TSC22D2: variants seen among roughly 807,000 people sequenced by gnomAD.
TSC22D2 encodes TSC22 domain family member 2.
A neutral mutation model predicts 50.1 loss-of-function variants in TSC22D2; 5 were observed. The observed-to-expected ratio is 0.10, with a 90% CI of 0.05 to 0.21. The LOEUF is 0.21. Ranked by LOEUF, TSC22D2 falls within the 10% of genes least tolerant of loss-of-function variation. TSC22D2 has a pLI of 1.00. For missense variants in TSC22D2, 1,003 were observed against 1,015.5 expected (o/e 0.99, Z 0.17); for synonymous variants, 501 against 450.1 (o/e 1.11, Z -1.43).
chr3:150,409,221 A>T lies in TSC22D2; in HGVS notation c.-130A>T. On this transcript the variant is annotated 5_prime_UTR_variant, in exon 1 of 3. Transcript: ENST00000688009. The surrounding 1 kb of genome is among the most constrained non-coding windows in gnomAD (Gnocchi z 7.4). Reference sequence around the variant, plus strand: ...GCGCCTGGATCAGCCCGTGACTCTTAACAGCGGCGGGCCTCAGACCCCAGC... The same window carrying T: ...GCGCCTGGATCAGCCCGTGACTCTTTACAGCGGCGGGCCTCAGACCCCAGC... The T allele has an allele frequency of 9.3e-7, 1 of 1,073,206 alleles. No homozygotes were observed. Among genetic ancestry groups the T allele is most frequent in the Non-Finnish European group, 1.3e-6 (1 of 771,486 alleles). The allele number at this position is 1,073,206 out of a possible 1,614,324, so 66.5% of individuals were successfully genotyped here. A position where few individuals can be genotyped will look rare whatever the true frequency, so the allele number is the denominator to read the frequency against.
At chr3:150,455,400 A>G (rs1721155398) in intron 1 of TSC22D2, among the ~76,000 whole-genome samples, 1 of 152,252 alleles carries the variant, frequency 6.6e-6, no homozygotes, top group East Asian at 1.9e-4. Context: ...AATCCTTTCT[A>G]GATATTAGAT....
intron 1 of TSC22D2, among the ~76,000 whole-genome samples, chr3:150,445,316 AAATAATAATAATAAT>A (rs139705131): frequency 0.012 from 1,724 of 142,526 alleles, 26 homozygotes; most frequent in African/African-American, 0.026. Context: ...TCTGTCTCAA[AAATAATAATAATAAT>A]AATAATAATA....
Position 150,408,883 on chromosome 3 carries a change from C to A in TSC22D2, c.-468C>A. ...GGCCTGAGGAGCCCGAGCGGGGCAG[C>A]ACCGCCCCTCACGCCGCCGCCACCG... is the stretch of plus-strand genomic sequence containing the variant. On this transcript the variant is annotated 5_prime_UTR_variant, in exon 1 of 3. Transcript: ENST00000688009. The A allele has an allele frequency of 6.1e-6, 1 of 164,446 alleles. No individual in the cohort carries two copies. Among genetic ancestry groups the A allele is most frequent in the Non-Finnish European group, 1.3e-5 (1 of 75,386 alleles). The allele number at this position is 164,446 out of a possible 1,614,324, so 10.2% of individuals were successfully genotyped here.
intron 1 of TSC22D2, among the ~76,000 whole-genome samples, chr3:150,426,160 C>A (rs551026215): frequency 1.3e-5 from 2 of 152,322 alleles, no homozygotes; most frequent in South Asian, 2.1e-4. Context: ...AATAATCCAA[C>A]CCTTTCTGCA....
chr3:150,444,073 A>G (rs1720803212), intron 1 of TSC22D2, among the ~76,000 whole-genome samples: 1 of 152,068 alleles, frequency 6.6e-6, no homozygotes, highest in Non-Finnish European at 1.5e-5. Flanking sequence ...AGTTGCCTAT[A>G]TTACATAGAA....
At chr3:150,412,718 G>A (rs1719637901) in intron 1 of TSC22D2, among the ~76,000 whole-genome samples, 1 of 152,046 alleles carries the variant, frequency 6.6e-6, no homozygotes, top group African/African-American at 2.4e-5. Flanking sequence ...TTGTGTGTGT[G>A]GGACTACTAA....
Position 150,409,610 on chromosome 3 carries a change from ACCT to A in TSC22D2, c.267_269del (p.Leu90del), listed in dbSNP as rs894726569. On this transcript the variant is annotated inframe_deletion, in exon 1 of 3. Coordinates refer to ENST00000688009, the MANE Select transcript of TSC22D2 (RefSeq NM_001303264.2). The surrounding 1 kb of genome is among the most constrained non-coding windows in gnomAD (Gnocchi z 7.4). ...GAGACTCCCGGGACCGTCTCCCCAAACCTCCTCCTAGATGGGCAGCTGGCAGCG... is the reference window on the plus strand; with the variant it reads ...GAGACTCCCGGGACCGTCTCCCCAAACCTCCTAGATGGGCAGCTGGCAGCG... 5 of 1,606,832 alleles carry A rather than the reference ACCT, an allele frequency of 3.1e-6. No individual in the cohort carries two copies. In the Admixed American group the frequency reaches 5.0e-5, roughly 16 times the overall value.
chr3:150,418,268 T>A (rs113495031), intron 1 of TSC22D2, among the ~76,000 whole-genome samples: 2 of 151,992 alleles, frequency 1.3e-5, no homozygotes, highest in East Asian at 3.9e-4. Context: ...ATTTTCATCA[T>A]CATGAAAATG....
chr3:150,409,481 TCTC>T lies in TSC22D2; in HGVS notation c.136_138del (p.Ser46del). On this transcript the variant is annotated inframe_deletion, in exon 1 of 3. Transcript: ENST00000688009. The surrounding 1 kb of genome is among the most constrained non-coding windows in gnomAD (Gnocchi z 7.4). The stretch of plus-strand genomic sequence containing the variant: ...CCGGACGAGTCACGCACAGAGGACG[TCTC>T]CTCCGAGATTTTCGACGTCTCTCGG... The T allele has an allele frequency of 2.5e-6, 4 of 1,612,190 alleles. No individual in the cohort carries two copies. The highest frequency in any genetic ancestry group is 3.4e-6 in the Non-Finnish European group (4 of 1,179,574).
In TSC22D2 at chr3:150,413,220, A is replaced by G. The variant is rs557244950; in HGVS notation, c.1958+1912A>G. Among the ~76,000 whole-genome samples, 11 of 152,338 alleles carry G rather than the reference A, an allele frequency of 7.2e-5. No individual in the cohort carries two copies. In the South Asian group the frequency reaches 1.9e-3, roughly 26 times the overall value. ...CCTCTTACTGTATTAAGAGTTGGTA[A>G]TCTGAAAACTCTGATTTCCAAATTT... On this transcript the variant is annotated intron_variant, in intron 1 of 2. Coordinates refer to ENST00000688009, the MANE Select transcript of TSC22D2 (RefSeq NM_001303264.2).
chr3:150,415,392 C>A (rs1013031881), intron 1 of TSC22D2, among the ~76,000 whole-genome samples: 3 of 152,006 alleles, frequency 2.0e-5, no homozygotes, highest in Non-Finnish European at 4.4e-5. Flanking sequence ...CTTGTTTTTT[C>A]TTTTTAGGAG....
intron 1 of TSC22D2, among the ~76,000 whole-genome samples, chr3:150,413,740 T>A (rs1373292857): frequency 1.3e-5 from 2 of 152,090 alleles, no homozygotes; most frequent in African/African-American, 2.4e-5. Context: ...GATTTTGGGT[T>A]GCCGCCTTAA....
At position 150,408,522 on chromosome 3, in the gene TSC22D2, T is replaced by TGCC. The variant is rs1312399445; in HGVS notation, c.-819_-817dup. 1 of 152,490 alleles carries TGCC rather than the reference T, an allele frequency of 6.6e-6. No individual in the cohort carries two copies. The highest frequency in any genetic ancestry group is 1.5e-5 in the Non-Finnish European group (1 of 68,246). 9.4% of individuals were successfully genotyped at this position (152,490 alleles called of 1,614,324 possible). On this transcript the variant is annotated 5_prime_UTR_variant, in exon 1 of 3. Transcript: ENST00000688009. ...CGCCTCCGGTCCCGTGCCAGCGGTC[T>TGCC]GCCGCCGCCGCCCCTCTCTGAGAGA...
intron 1 of TSC22D2, among the ~76,000 whole-genome samples, chr3:150,455,125 T>C (rs1273096171): frequency 6.6e-6 from 1 of 152,230 alleles, no homozygotes; most frequent in Non-Finnish European, 1.5e-5. Flanking sequence ...CAATCTTTCC[T>C]TGTCATGTCA....
Position 150,410,183 on chromosome 3 carries a change from C to T in TSC22D2, c.833C>T (p.Pro278Leu). 1 of 1,607,938 alleles carries T rather than the reference C, an allele frequency of 6.2e-7. No individual in the cohort carries two copies. Among genetic ancestry groups the T allele is most frequent in the Non-Finnish European group, 8.5e-7 (1 of 1,177,852 alleles). The change falls in exon 1 of 3, where the codon CCG (proline) becomes CTG (leucine). Residue 278 changes from proline (P) to leucine (L), a missense_variant. Pro to Leu is a moderately conservative substitution (Grantham distance 98). Around this residue, in one of 6 missense-constraint regions of TSC22D2, gnomAD observed 696 missense variants for 647.8 expected, o/e 1.07. Coordinates refer to ENST00000688009, the MANE Select transcript of TSC22D2 (RefSeq NM_001303264.2). ...SFSVGQPQPP[P>L]PPVGGAVAQS... Reference sequence around the variant, plus strand: ...AGCGTTGGGCAGCCACAGCCGCCGCCGCCACCCGTAGGTGGGGCTGTGGCT... The same window carrying T: ...AGCGTTGGGCAGCCACAGCCGCCGCTGCCACCCGTAGGTGGGGCTGTGGCT...
Position 150,460,302 on chromosome 3 carries a change from C to G in TSC22D2, c.*1666C>G, listed in dbSNP as rs539709049. 9 of 152,218 alleles carry G rather than the reference C, an allele frequency of 5.9e-5. No individual in the cohort carries two copies. The highest frequency in any genetic ancestry group is 2.0e-4 in the Admixed American group (3 of 15,288). 9.4% of individuals were successfully genotyped at this position (152,218 alleles called of 1,614,324 possible). A position where few individuals can be genotyped will look rare whatever the true frequency, so the allele number is the denominator to read the frequency against. ...CAATATTCATATTATGTTAGTGATA[C>G]TTAAGTAGGAAATCCTTGTCTACCA... On this transcript the variant is annotated 3_prime_UTR_variant, in exon 3 of 3. Coordinates refer to ENST00000688009, the MANE Select transcript of TSC22D2 (RefSeq NM_001303264.2).
chr3:150,441,053 AATAT>A (rs940074512), intron 1 of TSC22D2, among the ~76,000 whole-genome samples: 1 of 148,832 alleles, frequency 6.7e-6, no homozygotes, highest in Admixed American at 6.7e-5. Flanking sequence ...TATATTAAAA[AATAT>A]ATATATAATA....
chr3:150,443,384 T>G (rs569953947), intron 1 of TSC22D2, among the ~76,000 whole-genome samples: 1 of 152,320 alleles, frequency 6.6e-6, no homozygotes, highest in African/African-American at 2.4e-5. Context: ...GAATGTGGTT[T>G]CCAGTTCATG....
At chr3:150,419,764 A>G (rs766600326) in intron 1 of TSC22D2, among the ~76,000 whole-genome samples, 17 of 152,176 alleles carry the variant, frequency 1.1e-4, no homozygotes, top group Admixed American at 3.3e-4. Context: ...TATTGAGTAT[A>G]TAAAGTCAGA....
Sources: allele counts gnomAD v4.1 joint callset (sites outside exome capture counted in the v4.1 genomes callset), GRCh38; gene constraint gnomAD v4.1.1; regional missense constraint gnomAD v4.1.1; non-coding constraint Gnocchi (gnomAD v3.1); transcripts MANE v1.5; gene names NCBI Gene and HGNC (gene_info 2026-07-23, HGNC 2026-07-21).